TEP1: variants seen among roughly 807,000 people sequenced by gnomAD.
The protein encoded by TEP1 is telomerase associated protein 1.
TEP1 carries 241 observed loss-of-function variants against 306.3 expected under a neutral mutation model. The observed-to-expected ratio is 0.79, with a 90% CI of 0.71 to 0.88. The LOEUF (loss-of-function observed/expected upper bound fraction) is 0.88. TEP1 is among the 40% of genes least tolerant of loss of function. TEP1 has a pLI of 0.00. For synonymous variants in TEP1, 1,289 were observed against 1,305.5 expected (o/e 0.99, Z 0.27); for missense variants, 3,051 against 3,276.1 (o/e 0.93, Z 1.68).
chr14:20,406,521 A>G (rs1432298341), intron 2 of TEP1, 121 bp from the exon 3 acceptor site: 1 of 981,818 alleles, frequency 1.0e-6, no homozygotes, highest in African/African-American at 1.6e-5. Flanking sequence ...AGCACCTCTA[A>G]TGTTCTCTCC....
At chr14:20,382,877 G>A (rs1029701121) in intron 27 of TEP1, among the ~76,000 whole-genome samples, 162 bp from the exon 28 acceptor site, 14 of 152,056 alleles carry the variant, frequency 9.2e-5, no homozygotes, top group South Asian at 2.1e-4. Flanking sequence ...CCTCTCCTAC[G>A]CTGCTCTGCC....
chr14:20,393,027 C>G (rs1310165653), intron 12 of TEP1, among the ~76,000 whole-genome samples: 1 of 152,058 alleles, frequency 6.6e-6, no homozygotes, highest in African/African-American at 2.4e-5. Context: ...TCCTGACTCA[C>G]ATGGTGAAAC....
chr14:20,403,670 C>T, intron 6 of TEP1, 53 bp downstream of exon 6: 1 of 1,611,018 alleles, frequency 6.2e-7, no homozygotes, highest in South Asian at 1.1e-5. Flanking sequence ...CTCCCTTGTC[C>T]TGCCCTTCCT....
rs146872301 is a variant in TEP1 at position 20,401,510 on chromosome 14, C to T, written c.1338G>A (p.Gln446=). The change falls in exon 8 of 55, where the codon CAG becomes CAA. Residue 446 remains glutamine (Q), a synonymous_variant. Transcript: ENST00000262715. ...PPRFTLKKLV[Q]RLHIHKPAQH... is the part of the protein sequence containing the mutation. ...GGGCAGGCTTGTGGATGTGCAGTCG[C>T]TGAACCAGCTTCTTCAGGGTGAACC... 1.7e-4 allele frequency: 268 copies of T among 1,614,112 alleles called. No homozygotes were observed. Among genetic ancestry groups the T allele is most frequent in the Non-Finnish European group, 2.1e-4 (251 of 1,180,056 alleles).
chr14:20,369,919 T>C (rs993925309), intron 51 of TEP1, 140 bp from the exon 52 acceptor site: 4 of 316,746 alleles, frequency 1.3e-5, no homozygotes, highest in Non-Finnish European at 2.2e-5. Context: ...AGTGCGCAAA[T>C]TTTTTTTTTT....
At position 20,401,010 on chromosome 14, in the gene TEP1, T is replaced by TTGTTCC. The variant is rs772079805; in HGVS notation, c.1517_1522dup (p.Asn507_Lys508insArgAsn). The TTGTTCC allele has an allele frequency of 1.9e-6, 3 of 1,614,176 alleles. No individual in the cohort carries two copies. Among genetic ancestry groups the TTGTTCC allele is most frequent in the Non-Finnish European group, 2.5e-6 (3 of 1,180,022 alleles). ...AATGAGTTCCTCCCAGACCGACGCT[T>TTGTTCC]TGTTCCCCCGTAGGCTCAGCTCCCG... On this transcript the variant is annotated inframe_insertion, in exon 9 of 55. Transcript: ENST00000262715.
intron 53 of TEP1, 135 bp from the exon 54 acceptor site, chr14:20,369,037 T>C (rs1403777650): frequency 2.9e-6 from 2 of 692,368 alleles, no homozygotes; most frequent in East Asian, 5.4e-5. Flanking sequence ...GACAAGAGTC[T>C]CGCTCTGTCG....
At position 20,405,669 on chromosome 14, in the gene TEP1, C is replaced by T. The variant is rs190117064; in HGVS notation, c.736-84G>A. 59 of 1,508,946 alleles carry T rather than the reference C, an allele frequency of 3.9e-5. No individual in the cohort carries two copies. In the East Asian group the frequency reaches 1.2e-3, roughly 30 times the overall value. 93.5% of individuals were successfully genotyped at this position (1,508,946 alleles called of 1,614,324 possible). A position where few individuals can be genotyped will look rare whatever the true frequency, so the allele number is the denominator to read the frequency against. ...ATCCATGCAGACTAACTTACAAAGTCAAGGACAGAGAGAATGGACCCGAGA... is the reference window on the plus strand; with the variant it reads ...ATCCATGCAGACTAACTTACAAAGTTAAGGACAGAGAGAATGGACCCGAGA... On this transcript the variant is annotated intron_variant, in intron 3 of 54. Coordinates refer to ENST00000262715, the MANE Select transcript of TEP1 (RefSeq NM_007110.5).
chr14:20,385,185 GAC>G, intron 20 of TEP1, 76 bp from the exon 21 acceptor site: 1 of 1,577,434 alleles, frequency 6.3e-7, no homozygotes, highest in African/African-American at 1.3e-5. Context: ...AAGGCCCCAG[GAC>G]TCCTGTATCT....
chr14:20,400,497 C>CAA lies in TEP1; in HGVS notation c.1549+485_1549+486dup, dbSNP rs71108598. On this transcript the variant is annotated intron_variant, in intron 9 of 54. Transcript: ENST00000262715. ...GAGCCTGCTATAGGTAAAAGTAGAC[C>CAA]AAAAAAAAAAAAAAAAAAAAAAAAA... 3.5e-4 allele frequency among the ~76,000 whole-genome samples: 30 copies of CAA among 85,452 alleles called. 1 individual carries two copies. Among genetic ancestry groups the CAA allele is most frequent in the African/African-American group, 6.7e-4 (19 of 28,448 alleles). The allele number at this position is 85,452 out of a possible 152,430, so 56.1% of individuals were successfully genotyped here.
intron 2 of TEP1, among the ~76,000 whole-genome samples, chr14:20,407,054 G>A (rs1879230648): frequency 1.3e-5 from 2 of 152,252 alleles, no homozygotes; most frequent in Admixed American, 1.3e-4. Flanking sequence ...AGAGGGTTCA[G>A]ATTAGCCTTG....
intron 54 of TEP1, 48 bp from the exon 55 acceptor site, chr14:20,368,607 A>G (rs1384220266): frequency 1.2e-6 from 2 of 1,607,222 alleles, no homozygotes; most frequent in African/African-American, 1.3e-5. Context: ...AAGCCTCCTT[A>G]CTAACTTATT....
chr14:20,384,604 G>A lies in TEP1; in HGVS notation c.3217C>T (p.Arg1073Cys), dbSNP rs775948129. 26 of 1,613,418 alleles carry A rather than the reference G, an allele frequency of 1.6e-5. No individual in the cohort carries two copies. Among genetic ancestry groups the A allele is most frequent in the African/African-American group, 1.2e-4 (9 of 74,862 alleles). ...TCCCTACCTCCCTCAGCTCACCTGC[G>A]GCAGGTGATCCCTTTCTGTCTGCTT... is the stretch of plus-strand genomic sequence containing the variant. ...YLSRQKGITC[R>C]RYPCEWGGVA... Residue 1073 changes from arginine to cysteine, a missense_variant, in exon 22 of 55, where the codon CGC becomes TGC. Arg to Cys is a radical substitution (Grantham distance 180, BLOSUM62 -3). Transcript: ENST00000262715.
chr14:20,387,275 G>A (rs1289955315), intron 18 of TEP1, among the ~76,000 whole-genome samples: 5 of 146,906 alleles, frequency 3.4e-5, no homozygotes, highest in Admixed American at 6.7e-5. Flanking sequence ...GGTCAGGCGC[G>A]ATGGCTCACG....
chr14:20,389,769 G>C lies in TEP1; in HGVS notation c.2335-29C>G, dbSNP rs754270357. On this transcript the variant is annotated intron_variant, in intron 15 of 54. Transcript: ENST00000262715. ...TAAGATGAAAAGGGAGAAGATGCTA[G>C]AGAAGGGATGCTAGACAGCCCAGGA... 8 of 1,612,912 alleles carry C rather than the reference G, an allele frequency of 5.0e-6. No homozygotes were observed. The Admixed American group carries it at 6.7e-5, about 13-fold the overall frequency.
chr14:20,371,546 G>A lies in TEP1; in HGVS notation c.7163C>T (p.Ala2388Val), dbSNP rs1884841779. 6.2e-7 allele frequency: 1 copy of A among 1,607,990 alleles called. No homozygotes were observed. The highest frequency in any genetic ancestry group is 1.7e-5 in the Admixed American group (1 of 57,408). ...WAPDGHFLIL[A>V]KADLKLLCMK... ...GCAAAGTAACTTCAAATCTGCTTTG[G>A]CCAAGATGAGAAAGTGACCATCAGG... Residue 2388 changes from alanine (A) to valine (V), a missense_variant, in exon 50 of 55, where the codon GCC (alanine) becomes GTC (valine). Transcript: ENST00000262715.
At chr14:20,380,601 G>A in intron 33 of TEP1, 126 bp from the exon 34 acceptor site, 3 of 1,389,308 alleles carry the variant, frequency 2.2e-6, no homozygotes, top group Non-Finnish European at 2.8e-6. Flanking sequence ...CCCTATATCA[G>A]GAATATCTCT....
chr14:20,383,243 C>A lies in TEP1; in HGVS notation c.3978G>T (p.Arg1326=), dbSNP rs768350963. The A allele has an allele frequency of 5.0e-6, 8 of 1,614,040 alleles. No homozygotes were observed. In the East Asian group the frequency reaches 1.6e-4, roughly 31 times the overall value. The change falls in exon 27 of 55, where the codon CGG becomes CGT. Residue 1326 remains arginine (R), a synonymous_variant. Transcript: ENST00000262715. ...LALGPLEASA[R]ARLVREELAL... Reference sequence around the variant, plus strand: ...CCAGCTCCTCTCTCACCAGCCGGGCCCGAGCAGAGGCCTCCAGAGGCCCCA... The same window carrying A: ...CCAGCTCCTCTCTCACCAGCCGGGCACGAGCAGAGGCCTCCAGAGGCCCCA...
chr14:20,371,990 G>A (rs1449318083), intron 49 of TEP1, among the ~76,000 whole-genome samples: 4 of 152,134 alleles, frequency 2.6e-5, no homozygotes, highest in Non-Finnish European at 5.9e-5. Context: ...AGCTACAGGT[G>A]TAAATGTGGT....
Sources: allele counts gnomAD v4.1 joint callset (sites outside exome capture counted in the v4.1 genomes callset), GRCh38; gene constraint gnomAD v4.1.1; transcripts MANE v1.5; gene names NCBI Gene and HGNC (gene_info 2026-07-23, HGNC 2026-07-21).